Variants in MAGI2 observed in about 807,000 individuals in gnomAD.
MAGI2 encodes membrane associated guanylate kinase, WW and PDZ domain containing 2.
In MAGI2, 35 loss-of-function variants were observed where a neutral mutation model predicts 133.3. The ratio of observed to expected loss-of-function variants is 0.26; its 90% CI spans 0.20 to 0.35. The LOEUF (loss-of-function observed/expected upper bound fraction) is 0.35, where lower values mean the gene tolerates loss of function less well. Ranked by LOEUF, MAGI2 falls within the 10% of genes least tolerant of loss-of-function variation. The pLI, the probability that MAGI2 is intolerant of heterozygous loss-of-function variation, is 1.00. For missense variants in MAGI2, 1,636 were observed against 1,863.4 expected (o/e 0.88, Z 2.25); for synonymous variants, 729 against 710.6 (o/e 1.03, Z -0.41).
chr7:78,053,681 C>T (rs950708517), intron 21 of MAGI2, among the ~76,000 whole-genome samples: 4 of 152,218 alleles, frequency 2.6e-5, no homozygotes, highest in African/African-American at 9.6e-5. Context: ...AAGCTCCAAT[C>T]CCCAACTGTG....
intron 2 of MAGI2, among the ~76,000 whole-genome samples, chr7:78,675,947 A>G (rs1001748823): frequency 6.6e-6 from 1 of 152,140 alleles, no homozygotes; most frequent in Non-Finnish European, 1.5e-5. Context: ...TACAGACCAC[A>G]TTGTGTCTTA....
chr7:78,135,161 T>C lies in MAGI2; in HGVS notation c.2891A>G (p.Asp964Gly), dbSNP rs1821979020. ...TCCCACTTTTAGTTTTGCACAGCGA[T>C]CTGCAGGACTCCCATCAATGATGCG... Reference protein sequence around the residue: ...IGRIIDGSPADRCAKLKVGDR... With the variant: ...IGRIIDGSPAGRCAKLKVGDR... The change falls in exon 17 of 22, where the codon GAT (aspartate) becomes GGT (glycine). Residue 964 changes from aspartate to glycine, a missense_variant. Around this residue, in one of 5 missense-constraint regions of MAGI2, gnomAD observed 920 missense variants for 1,093.5 expected, o/e 0.84. Coordinates refer to ENST00000354212, the MANE Select transcript of MAGI2 (RefSeq NM_012301.4). 1.2e-6 allele frequency: 2 copies of C among 1,614,150 alleles called. No homozygotes were observed. Among genetic ancestry groups the C allele is most frequent in the South Asian group, 1.1e-5 (1 of 91,078 alleles).
rs74743639 is a variant in MAGI2, at chr7:79,419,833, A to G, written c.301+33187T>C. Among the ~76,000 whole-genome samples, 160 of 152,210 alleles carry G rather than the reference A, an allele frequency of 1.1e-3. 2 individuals carry two copies. In the East Asian group the frequency reaches 0.026, roughly 25 times the overall value. ...ATTATTATGCTGGAAAACTGATGAC[A>G]TAAAACATAAATTTAAGCAAAAGAC... On this transcript the variant is annotated intron_variant, in intron 1 of 21. Transcript: ENST00000354212.
chr7:78,911,609 T>C (rs1389823452), intron 2 of MAGI2, among the ~76,000 whole-genome samples: 1 of 152,088 alleles, frequency 6.6e-6, no homozygotes, highest in African/African-American at 2.4e-5. Context: ...TTTGTTACAG[T>C]AGCTCTAAGG....
intron 2 of MAGI2, among the ~76,000 whole-genome samples, chr7:78,872,102 A>AAAACAAAC (rs199945962): frequency 6.6e-6 from 1 of 151,598 alleles, no homozygotes; most frequent in Non-Finnish European, 1.5e-5. Flanking sequence ...TCTTTCCTCC[A>AAAACAAAC]AAACAAACAA....
At chr7:79,369,316 G>T (rs1842919853) in intron 1 of MAGI2, among the ~76,000 whole-genome samples, 2 of 152,100 alleles carry the variant, frequency 1.3e-5, no homozygotes, top group African/African-American at 4.8e-5. Context: ...AGGTTGTTCT[G>T]CAGGCAAGTC....
At chr7:79,247,366 G>A (rs756752654) in intron 1 of MAGI2, among the ~76,000 whole-genome samples, 17 of 152,090 alleles carry the variant, frequency 1.1e-4, no homozygotes, top group Non-Finnish European at 2.5e-4. Context: ...TGTAATCCCA[G>A]CACTTTGGGA....
chr7:79,042,181 A>T (rs1811728039), intron 1 of MAGI2, among the ~76,000 whole-genome samples: 1 of 152,196 alleles, frequency 6.6e-6, no homozygotes, highest in Non-Finnish European at 1.5e-5. Context: ...AATGAACAAG[A>T]CTTTGCAGTT....
At chr7:78,735,098 C>T (rs188418187) in intron 2 of MAGI2, among the ~76,000 whole-genome samples, 20 of 152,306 alleles carry the variant, frequency 1.3e-4, no homozygotes, top group Admixed American at 2.6e-4. Flanking sequence ...TGCACTTCCA[C>T]TGCCTATTTT....
chr7:78,579,842 G>A (rs534099245), intron 3 of MAGI2, among the ~76,000 whole-genome samples: 6 of 151,730 alleles, frequency 4.0e-5, no homozygotes, highest in Non-Finnish European at 8.8e-5. Context: ...AAGAACCGAT[G>A]GGGGTTACTC....
chr7:78,657,021 C>G (rs1421130139), intron 2 of MAGI2, among the ~76,000 whole-genome samples: 1 of 146,388 alleles, frequency 6.8e-6, no homozygotes, highest in Non-Finnish European at 1.5e-5. Context: ...AGGCCAAACA[C>G]ATTAACAGAT....
chr7:78,670,281 GACAA>G (rs1201861581), intron 2 of MAGI2, among the ~76,000 whole-genome samples: 8 of 152,068 alleles, frequency 5.3e-5, no homozygotes, highest in African/African-American at 1.4e-4. Flanking sequence ...ACCAATAACA[GACAA>G]ACAGAGAGCA....
intron 1 of MAGI2, among the ~76,000 whole-genome samples, chr7:79,217,971 C>T (rs1368007013): frequency 1.3e-5 from 2 of 151,818 alleles, no homozygotes; most frequent in Non-Finnish European, 2.9e-5. Context: ...ACAACATGCA[C>T]GAATATTAGG....
chr7:79,253,842 A>T (rs535816176), intron 1 of MAGI2, among the ~76,000 whole-genome samples: 1 of 152,330 alleles, frequency 6.6e-6, no homozygotes, highest in South Asian at 2.1e-4. Context: ...AAAGTTAAAC[A>T]ATACAAATTT....
At chr7:79,042,202 A>G (rs1470457247) in intron 1 of MAGI2, among the ~76,000 whole-genome samples, 1 of 152,218 alleles carries the variant, frequency 6.6e-6, no homozygotes, top group Non-Finnish European at 1.5e-5. Flanking sequence ...TCTTCATCAA[A>G]GGAGATAAAT....
intron 11 of MAGI2, among the ~76,000 whole-genome samples, chr7:78,197,523 A>G (rs1828848867): frequency 6.6e-6 from 1 of 152,162 alleles, no homozygotes; most frequent in Non-Finnish European, 1.5e-5. Flanking sequence ...AAATATTGGT[A>G]TTTCTAAAAA....
chr7:78,039,328 T>C (rs1810562400), intron 21 of MAGI2, among the ~76,000 whole-genome samples: 1 of 152,212 alleles, frequency 6.6e-6, no homozygotes, highest in African/African-American at 2.4e-5. Flanking sequence ...AAGGTGCCAG[T>C]GTGGGGCTGG....
At chr7:78,985,617 T>G (rs1805184140) in intron 2 of MAGI2, among the ~76,000 whole-genome samples, 1 of 152,020 alleles carries the variant, frequency 6.6e-6, no homozygotes, top group South Asian at 2.1e-4. Context: ...TAAGCATTAT[T>G]TCTTTAATAG....
intron 1 of MAGI2, among the ~76,000 whole-genome samples, chr7:79,033,688 T>C (rs571485912): frequency 3.9e-5 from 6 of 152,176 alleles, no homozygotes; most frequent in Non-Finnish European, 8.8e-5. Flanking sequence ...GTTAGAAAAA[T>C]TGTAGTGGAT....
Sources: allele counts gnomAD v4.1 joint callset (sites outside exome capture counted in the v4.1 genomes callset), GRCh38; gene constraint gnomAD v4.1.1; regional missense constraint gnomAD v4.1.1; transcripts MANE v1.5; gene names NCBI Gene and HGNC (gene_info 2026-07-23, HGNC 2026-07-21).